The following PRMT9 variants were observed in gnomAD, a reference collection of about 807,000 sequenced individuals.
PRMT9 encodes the protein protein arginine N-methyltransferase 9.
In PRMT9, 59 loss-of-function variants were observed where a neutral mutation model predicts 83.2. The ratio of observed to expected loss-of-function variants is 0.71; its 90% CI spans 0.57 to 0.88. PRMT9 has a LOEUF of 0.88. PRMT9 is among the 40% of genes least tolerant of loss of function. The pLI is 0.00. For synonymous variants in PRMT9, 333 were observed against 353.2 expected (o/e 0.94, Z 0.64); for missense variants, 947 against 1,021.9 (o/e 0.93, Z 1.00).
At chr4:147,665,890 A>G (rs1735297699) in intron 6 of PRMT9, among the ~76,000 whole-genome samples, 1 of 152,196 alleles carries the variant, frequency 6.6e-6, no homozygotes, top group South Asian at 2.1e-4. Context: ...GATTTTTCCA[A>G]TTACAGTATT....
rs766541547 is a variant in PRMT9, at chr4:147,661,033, C to T, written c.959G>A (p.Gly320Asp). 9 of 1,607,276 alleles carry T rather than the reference C, an allele frequency of 5.6e-6. No homozygotes were observed. Among genetic ancestry groups the T allele is most frequent in the Middle Eastern group, 1.7e-4 (1 of 6,056 alleles). Residue 320 changes from glycine to aspartate, a missense_variant, in exon 7 of 12, where the codon GGT becomes GAT. Gly to Asp is a moderately conservative substitution (Grantham distance 94). Transcript: ENST00000322396. ...CAEIRRHHRV[G>D]IKDIAGIHLP... ...ATGGATACCAGCAATGTCCTTAATA[C>T]CCACTCTGGAGAGAGAGAAAATAGG... is the stretch of plus-strand genomic sequence containing the variant.
In PRMT9 at chr4:147,660,923, T is replaced by C. The variant is rs1251942167; in HGVS notation, c.1069A>G (p.Met357Val). ...ETIEPYTTEK[M>V]SRVPGGYLAL... is the part of the protein sequence containing the mutation. ...AAATATCCTCCAGGAACTCGACTCA[T>C]CTTTTCAGTTGTATAAGGTTCAATT... is the stretch of plus-strand genomic sequence containing the variant. Residue 357 changes from methionine (M) to valine (V), a missense_variant, in exon 7 of 12, where the codon ATG becomes GTG. Transcript: ENST00000322396. The C allele has an allele frequency of 1.4e-5, 23 of 1,613,432 alleles. No homozygotes were observed. Among genetic ancestry groups the C allele is most frequent in the Non-Finnish European group, 1.8e-5 (21 of 1,179,522 alleles).
chr4:147,647,382 C>A (rs1733798027), intron 9 of PRMT9, among the ~76,000 whole-genome samples: 1 of 152,076 alleles, frequency 6.6e-6, no homozygotes, highest in African/African-American at 2.4e-5. Flanking sequence ...ATGATTTCAT[C>A]CCCAACCAAT....
At chr4:147,681,036 T>C (rs1736437595) in intron 1 of PRMT9, among the ~76,000 whole-genome samples, 2 of 152,330 alleles carry the variant, frequency 1.3e-5, no homozygotes, top group Middle Eastern at 3.4e-3. Context: ...GTTCTTATCC[T>C]CACAGAGGCC....
At chr4:147,678,825 A>C (rs1243488504) in intron 2 of PRMT9, among the ~76,000 whole-genome samples, 3 of 152,150 alleles carry the variant, frequency 2.0e-5, no homozygotes, top group African/African-American at 7.2e-5. Flanking sequence ...ATCCTGCGTG[A>C]CTTCACTGAA....
At chr4:147,679,790 G>C (rs1231542893) in intron 2 of PRMT9, among the ~76,000 whole-genome samples, 2 of 152,204 alleles carry the variant, frequency 1.3e-5, no homozygotes, top group African/African-American at 4.8e-5. Context: ...GCAAGAAAGA[G>C]TTTTGCTTCC....
At chr4:147,680,740 C>T (rs1280760670) in intron 1 of PRMT9, among the ~76,000 whole-genome samples, 2 of 152,358 alleles carry the variant, frequency 1.3e-5, no homozygotes, top group Non-Finnish European at 2.9e-5. Context: ...TCCTTATTCT[C>T]CAGAACTGCC....
chr4:147,659,198 C>T (rs12510915), intron 7 of PRMT9, among the ~76,000 whole-genome samples: 122,294 of 147,726 alleles, frequency 0.83, 54,360 homozygotes, highest in Non-Finnish European at 0.98. Context: ...AAAAAGAGTT[C>T]GAGACCAGCC....
chr4:147,668,678 A>C, intron 5 of PRMT9, 33 bp from the exon 6 acceptor site: 1 of 1,228,974 alleles, frequency 8.1e-7, no homozygotes, highest in Non-Finnish European at 1.2e-6. Flanking sequence ...TTATGTTATC[A>C]CATGTATGTA....
chr4:147,674,130 T>A (rs1735921622), intron 2 of PRMT9, among the ~76,000 whole-genome samples: 1 of 152,174 alleles, frequency 6.6e-6, no homozygotes, highest in Admixed American at 6.6e-5. Context: ...TATACTAATG[T>A]ATAGCAGAAG....
Position 147,642,781 on chromosome 4 carries a change from A to G in PRMT9, c.2199+6T>C. ...TCCTGGTTGAACTTCTCCTCTAGAC[A>G]CTTACCTGAAACTGGTTAATAAAAG... is the stretch of plus-strand genomic sequence containing the variant. On this transcript the variant is annotated splice_donor_region_variant and intron_variant, in intron 10 of 11. Transcript: ENST00000322396. 6.2e-7 allele frequency: 1 copy of G among 1,612,556 alleles called. No homozygotes were observed.
Position 147,663,914 on chromosome 4 carries a change from C to T in PRMT9, c.954-2876G>A, listed in dbSNP as rs193106015. On this transcript the variant is annotated intron_variant, in intron 6 of 11. Coordinates refer to ENST00000322396, the MANE Select transcript of PRMT9 (RefSeq NM_138364.4). Reference sequence around the variant, plus strand: ...ATGCCTATTTATCTCTCAAAAGATACTTGTGTATCTTTATTAAAAATGAGA... The same window carrying T: ...ATGCCTATTTATCTCTCAAAAGATATTTGTGTATCTTTATTAAAAATGAGA... Among the ~76,000 whole-genome samples, 160 of 152,150 alleles carry T rather than the reference C, an allele frequency of 1.1e-3. 1 individual carries two copies. The highest frequency in any genetic ancestry group is 3.4e-3 in the Middle Eastern group (1 of 294).
chr4:147,643,929 T>C (rs1325074583), intron 9 of PRMT9, among the ~76,000 whole-genome samples: 1 of 152,166 alleles, frequency 6.6e-6, no homozygotes, highest in Non-Finnish European at 1.5e-5. Flanking sequence ...GAGGTCCACA[T>C]TGCAGTGACA....
At chr4:147,643,483 C>T (rs1243121710) in intron 9 of PRMT9, among the ~76,000 whole-genome samples, 1 of 152,076 alleles carries the variant, frequency 6.6e-6, no homozygotes, top group East Asian at 1.9e-4. Context: ...AGAAAAATGA[C>T]AGGTTAGCTA....
rs2126609386 is a variant in PRMT9, at chr4:147,660,867, T to C, written c.1125A>G (p.Thr375=). ...LALTECFEIM[T]VDFNNLQELK... ...TCACCTGAAGGTTGTTGAAATCTACTGTCATAATTTCAAAGCACTCTGTCA... is the reference window on the plus strand; with the variant it reads ...TCACCTGAAGGTTGTTGAAATCTACCGTCATAATTTCAAAGCACTCTGTCA... Residue 375 remains threonine, a synonymous_variant, in exon 7 of 12, where the codon ACA becomes ACG. Transcript: ENST00000322396. 6.2e-7 allele frequency: 1 copy of C among 1,612,912 alleles called. No homozygotes were observed. The highest frequency in any genetic ancestry group is 2.2e-5 in the East Asian group (1 of 44,822).
chr4:147,647,988 C>T (rs1733838212), intron 9 of PRMT9, among the ~76,000 whole-genome samples: 1 of 152,076 alleles, frequency 6.6e-6, no homozygotes, highest in Non-Finnish European at 1.5e-5. Context: ...CTTATATTTA[C>T]GGATTTATTA....
intron 10 of PRMT9, among the ~76,000 whole-genome samples, chr4:147,640,093 T>TTTA (rs1225892861): frequency 3.2e-4 from 6 of 18,568 alleles, no homozygotes; most frequent in Non-Finnish European, 1.3e-3. Context: ...TTTTTTTTAA[T>TTTA]ATAGGGTCTC....
chr4:147,679,962 G>A (rs1417774905), intron 2 of PRMT9, among the ~76,000 whole-genome samples: 1 of 152,136 alleles, frequency 6.6e-6, no homozygotes, highest in Non-Finnish European at 1.5e-5. Context: ...CATCCCAAGA[G>A]GCAAAACTAT....
At chr4:147,638,838 A>T (rs1243871705) in intron 11 of PRMT9, 91 bp from the exon 12 acceptor site, 3 of 1,362,836 alleles carry the variant, frequency 2.2e-6, no homozygotes, top group Admixed American at 1.9e-5. Flanking sequence ...ACAAAAATTT[A>T]AAATACATTT....
Sources: allele counts gnomAD v4.1 joint callset (sites outside exome capture counted in the v4.1 genomes callset), GRCh38; gene constraint gnomAD v4.1.1; transcripts MANE v1.5; gene names NCBI Gene and HGNC (gene_info 2026-07-23, HGNC 2026-07-21).